The following CDC20 variants were observed in gnomAD, a reference collection of about 807,000 sequenced individuals.
The protein encoded by CDC20 is cell division cycle 20, also known as cell division cycle protein 20 homolog.
Under a neutral mutation model 60.0 loss-of-function variants are expected in CDC20, and 34 were observed. The observed-to-expected ratio is 0.57, with a 90% CI of 0.43 to 0.75. The LOEUF is 0.75. CDC20 is among the 30% of genes least tolerant of loss of function. CDC20 has a pLI of 0.00. For missense variants in CDC20, 469 were observed against 647.3 expected (o/e 0.72, Z 2.99); for synonymous variants, 198 against 243.5 (o/e 0.81, Z 1.74).
chr1:43,360,401 C>T lies in CDC20; in HGVS notation c.753+12C>T. The T allele has an allele frequency of 6.2e-7, 1 of 1,613,388 alleles. No individual in the cohort carries two copies. The highest frequency in any genetic ancestry group is 2.2e-5 in the East Asian group (1 of 44,884). Reference sequence around the variant, plus strand: ...GTGCTGAGGTGCAGGTGAGACGTGTCCAGTGCTGTCATTCTCACCAGTCCC... The same window carrying T: ...GTGCTGAGGTGCAGGTGAGACGTGTTCAGTGCTGTCATTCTCACCAGTCCC... On this transcript the variant is annotated intron_variant, in intron 6 of 10. Coordinates refer to ENST00000310955, the MANE Select transcript of CDC20 (RefSeq NM_001255.3).
chr1:43,360,986 C>CT, intron 8 of CDC20, 25 bp downstream of exon 8: 1 of 1,598,522 alleles, frequency 6.3e-7, no homozygotes, highest in Non-Finnish European at 8.6e-7. Context: ...GCTGAAGCCT[C>CT]TGCAGACCCT....
rs1171878410 is a variant in CDC20 at position 43,359,954 on chromosome 1, A to C, written c.428-15A>C. On this transcript the variant is annotated splice_polypyrimidine_tract_variant and intron_variant, in intron 4 of 10. Transcript: ENST00000310955. ...GTTGATTTTCCCAGCGTCTAGACTC[A>C]CTCCGTTGCCACAGGTTATCAGAAC... The C allele has an allele frequency of 6.2e-7, 1 of 1,613,846 alleles. No individual in the cohort carries two copies.
At chr1:43,359,136 C>T (rs1647156643) in intron 1 of CDC20, 31 bp from the exon 2 acceptor site, 32 of 1,461,698 alleles carry the variant, frequency 2.2e-5, no homozygotes, top group Non-Finnish European at 2.6e-5. Flanking sequence ...CCCTTTCTGT[C>T]CCCTGAGCAC....
intron 9 of CDC20, among the ~76,000 whole-genome samples, chr1:43,361,690 C>T (rs900393460): frequency 2.0e-5 from 3 of 152,214 alleles, no homozygotes; most frequent in Admixed American, 6.5e-5. Context: ...TTTGTTATCT[C>T]CTGCAATGCA....
Position 43,361,228 on chromosome 1 carries a change from G to A in CDC20, c.1186G>A (p.Val396Met), listed in dbSNP as rs376655758. The A allele has an allele frequency of 2.4e-5, 38 of 1,607,158 alleles. 1 individual carries two copies. The highest frequency in any genetic ancestry group is 3.4e-5 in the Admixed American group (2 of 59,192). ...NVCSGACLSAVDAHSQVCSIL... is the reference protein window; with the variant it reads ...NVCSGACLSAMDAHSQVCSIL... The stretch of plus-strand genomic sequence containing the variant: ...GTGCTCTGGGGCCTGTCTGAGTGCC[G>A]TGGATGCCCATTCCCAGGTAATCTT... Residue 396 changes from valine (V) to methionine (M), a missense_variant, in exon 9 of 11, where the codon GTG (valine) becomes ATG (methionine). By Grantham distance (21) the Val-to-Met change is conservative. Coordinates refer to ENST00000310955, the MANE Select transcript of CDC20 (RefSeq NM_001255.3).
At position 43,359,714 on chromosome 1, in the gene CDC20, C is replaced by T. The variant is rs760554077; in HGVS notation, c.331-11C>T. ...AATACCATCTTGCTCCTTCACTACCCTTTATGCCAGGAACATCAGAAAGCC... is the reference window on the plus strand; with the variant it reads ...AATACCATCTTGCTCCTTCACTACCTTTTATGCCAGGAACATCAGAAAGCC... On this transcript the variant is annotated splice_polypyrimidine_tract_variant and intron_variant, in intron 3 of 10. Transcript: ENST00000310955. 2.2e-5 allele frequency: 35 copies of T among 1,613,884 alleles called. No individual in the cohort carries two copies. Among genetic ancestry groups the T allele is most frequent in the Non-Finnish European group, 2.7e-5 (32 of 1,179,992 alleles).
At chr1:43,359,453 G>GCA in intron 2 of CDC20, 37 bp from the exon 3 acceptor site, 2 of 1,613,240 alleles carry the variant, frequency 1.2e-6, no homozygotes, top group Non-Finnish European at 1.7e-6. Flanking sequence ...TCTCCCTGGG[G>GCA]AGCCTGGTCA....
chr1:43,360,589 T>A lies in CDC20; in HGVS notation c.844T>A (p.Ser282Thr). 2 of 1,613,514 alleles carry A rather than the reference T, an allele frequency of 1.2e-6. No individual in the cohort carries two copies. The highest frequency in any genetic ancestry group is 1.7e-6 in the Non-Finnish European group (2 of 1,179,368). ...CCTAAGCTGGAACAGCTATATCCTG[T>A]CCAGGTCAGTGGTTTTTGTTGGTCT... The part of the protein sequence containing the change: ...GSLSWNSYIL[S>T]SGSRSGHIHH... The change falls in exon 7 of 11, where the codon TCC becomes ACC. Residue 282 changes from serine (S) to threonine (T), a missense_variant. Physicochemically the swap from Ser to Thr is moderately conservative, Grantham distance 58. Coordinates refer to ENST00000310955, the MANE Select transcript of CDC20 (RefSeq NM_001255.3).
intron 6 of CDC20, 41 bp downstream of exon 6, chr1:43,360,430 G>A (rs2153922250): frequency 6.2e-7 from 1 of 1,609,378 alleles, no homozygotes; most frequent in Non-Finnish European, 8.5e-7. Context: ...CAGTCCCAAT[G>A]GGCTTGCACA....
rs376581777 is a variant in CDC20, at chr1:43,363,106, C to A, written c.1477C>A (p.Leu493Ile). 1.5e-5 allele frequency: 24 copies of A among 1,612,664 alleles called. No individual in the cohort carries two copies. The highest frequency in any genetic ancestry group is 4.0e-5 in the African/African-American group (3 of 74,822). ...REKASAAKSS[L>I]IHQGIR ...GAAGGCCAGTGCAGCCAAAAGCAGCCTCATCCACCAAGGCATCCGCTGAAG... is the reference window on the plus strand; with the variant it reads ...GAAGGCCAGTGCAGCCAAAAGCAGCATCATCCACCAAGGCATCCGCTGAAG... The change falls in exon 11 of 11, where the codon CTC (leucine) becomes ATC (isoleucine). Residue 493 changes from leucine to isoleucine, a missense_variant. Coordinates refer to ENST00000310955, the MANE Select transcript of CDC20 (RefSeq NM_001255.3).
chr1:43,363,197 T>G lies in CDC20; in HGVS notation c.*68T>G. On this transcript the variant is annotated 3_prime_UTR_variant, in exon 11 of 11. Coordinates refer to ENST00000310955, the MANE Select transcript of CDC20 (RefSeq NM_001255.3). ...AGTCATGTCTCCCTTCATGTTTTTT[T>G]TTTAAATCTGTTTCAGCTAATGCCT... 1 of 1,495,612 alleles carries G rather than the reference T, an allele frequency of 6.7e-7. No homozygotes were observed. The highest frequency in any genetic ancestry group is 2.3e-5 in the East Asian group (1 of 44,266). 92.6% of individuals were successfully genotyped at this position (1,495,612 alleles called of 1,614,324 possible).
In CDC20 at chr1:43,360,537, G is replaced by A. The variant is rs1238221197; in HGVS notation, c.792G>A (p.Met264Ile). ...DVQQQKRLRN[M>I]TSHSARVGSL... ...AGCAGCAGAAACGGCTTCGAAATAT[G>A]ACCAGTCACTCTGCCCGAGTGGGCT... The change falls in exon 7 of 11, where the codon ATG becomes ATA. Residue 264 changes from methionine (M) to isoleucine (I), a missense_variant. By Grantham distance (10) the Met-to-Ile change is conservative. This residue lies in a region of CDC20 where 255 missense variants were observed against 326.7 expected (regional missense o/e 0.78). Transcript: ENST00000310955. 6.2e-7 allele frequency: 1 copy of A among 1,614,002 alleles called. No homozygotes were observed. Among genetic ancestry groups the A allele is most frequent in the Non-Finnish European group, 8.5e-7 (1 of 1,180,014 alleles).
rs551904813 is a variant in CDC20, at chr1:43,363,105, C to T, written c.1476C>T (p.Ser492=). The change falls in exon 11 of 11, where the codon AGC becomes AGT. Residue 492 remains serine, a synonymous_variant. Transcript: ENST00000310955. ...EREKASAAKS[S]LIHQGIR is the part of the protein sequence containing the mutation. ...AGAAGGCCAGTGCAGCCAAAAGCAGCCTCATCCACCAAGGCATCCGCTGAA... is the reference window on the plus strand; with the variant it reads ...AGAAGGCCAGTGCAGCCAAAAGCAGTCTCATCCACCAAGGCATCCGCTGAA... 1.2e-5 allele frequency: 20 copies of T among 1,612,662 alleles called. 2 individuals are homozygous for T. In the African/African-American group the frequency reaches 1.3e-4, roughly 11 times the overall value.
Position 43,360,085 on chromosome 1 carries a change from C to T in CDC20, c.544C>T (p.Arg182Ter). 1 of 1,614,186 alleles carries T rather than the reference C, an allele frequency of 6.2e-7. No individual in the cohort carries two copies. Among genetic ancestry groups the T allele is most frequent in the Non-Finnish European group, 8.5e-7 (1 of 1,180,032 alleles). Reference sequence around the variant, plus strand: ...CCGTATCCTGGATGCGCCTGAAATCCGAAATGACTATTGTAAGTGCATCCT... The same window carrying T: ...CCGTATCCTGGATGCGCCTGAAATCTGAAATGACTATTGTAAGTGCATCCT... ...PDRILDAPEI[R>*]NDYYLNLVDW... is the part of the protein sequence containing the mutation. The change falls in exon 5 of 11, where the codon CGA becomes TGA. Residue 182 changes from arginine to a stop codon, truncating the protein, a stop_gained. Transcript: ENST00000310955. LOFTEE classifies it high-confidence loss of function.
In CDC20 at chr1:43,360,968, A is replaced by G. The variant is rs201462108; in HGVS notation, c.1077+7A>G. The G allele has an allele frequency of 2.7e-4, 427 of 1,610,700 alleles. 3 individuals carry two copies. The highest frequency in any genetic ancestry group is 2.1e-5 in the Non-Finnish European group (25 of 1,177,052). The stretch of plus-strand genomic sequence containing the variant: ...GCATCAAGGGGCTGTCAAGGTGAGT[A>G]GGGTTGGGCTGAAGCCTCTGCAGAC... On this transcript the variant is annotated splice_region_variant and intron_variant, in intron 8 of 10. Transcript: ENST00000310955.
rs1647160749 is a variant in CDC20, at chr1:43,359,549, C to T, written c.241C>T (p.Pro81Ser). ...PSKPGGDRYI[P>S]HRSAAQMEVA... ...CAAACCTGGCGGTGACCGCTATATC[C>T]CCCATCGCAGTGCTGCCCAGATGGA... Residue 81 changes from proline (P) to serine (S), a missense_variant, in exon 3 of 11, where the codon CCC becomes TCC. Physicochemically the swap from Pro to Ser is moderately conservative, Grantham distance 74 (BLOSUM62 -1). Around this residue, in one of 5 missense-constraint regions of CDC20, gnomAD observed 115 missense variants for 156.1 expected, o/e 0.74. Transcript: ENST00000310955. 2 of 1,614,086 alleles carry T rather than the reference C, an allele frequency of 1.2e-6. No homozygotes were observed. The highest frequency in any genetic ancestry group is 1.7e-6 in the Non-Finnish European group (2 of 1,180,030).
chr1:43,359,121 G>A (rs1037549595), intron 1 of CDC20, 46 bp from the exon 2 acceptor site: 4 of 1,314,394 alleles, frequency 3.0e-6, no homozygotes, highest in Admixed American at 1.8e-5. Context: ...CAGGAGCGAA[G>A]GGGTCCCTTT....
intron 10 of CDC20, 126 bp from the exon 11 acceptor site, chr1:43,362,825 A>G: frequency 2.9e-6 from 2 of 693,808 alleles, no homozygotes; most frequent in Non-Finnish European, 4.9e-6. Context: ...AGATTGCGCC[A>G]CTGCACTCCA....
chr1:43,359,260 G>A lies in CDC20; in HGVS notation c.45G>A (p.Gln15=), dbSNP rs775835554. ...AGAGTGACCTGCACTCGCTGCTTCA[G>A]CTGGATGCACCCATCCCCAATGCAC... ...AFESDLHSLL[Q]LDAPIPNAPP... Residue 15 remains glutamine, a synonymous_variant, in exon 2 of 11, where the codon CAG becomes CAA. Transcript: ENST00000310955. 1.2e-6 allele frequency: 2 copies of A among 1,611,886 alleles called. No homozygotes were observed. The highest frequency in any genetic ancestry group is 2.2e-5 in the South Asian group (2 of 91,006).
Sources: gnomAD v4.1 joint callset for allele counts (sites outside exome capture counted in the v4.1 genomes callset) on GRCh38, gnomAD v4.1.1 for gene constraint, gnomAD v4.1.1 regional missense constraint, MANE v1.5 for transcripts, NCBI Gene and HGNC (gene_info 2026-07-23, HGNC 2026-07-21) for gene names.